CD226: variants seen among roughly 807,000 people sequenced by gnomAD.
The protein encoded by CD226 is CD226 molecule, also known as CD226 antigen.
A neutral mutation model predicts 34.9 loss-of-function variants in CD226; 24 were observed. That is an observed-to-expected ratio of 0.69 (90% CI 0.50 to 0.97). The LOEUF (loss-of-function observed/expected upper bound fraction) is 0.97, where lower values mean the gene tolerates loss of function less well. Among genes scored for constraint, CD226 ranks in the 50% least tolerant of loss-of-function variants. The pLI, the probability that CD226 is intolerant of heterozygous loss-of-function variation, is 0.00. For missense variants in CD226, 397 were observed against 412.7 expected (o/e 0.96, Z 0.33); for synonymous variants, 148 against 147.4 (o/e 1.00, Z -0.03).
At chr18:69,872,181 G>C (rs1273188124) in intron 4 of CD226, among the ~76,000 whole-genome samples, 1 of 151,892 alleles carries the variant, frequency 6.6e-6, no homozygotes, top group Non-Finnish European at 1.5e-5. Context: ...TGATATGCCA[G>C]ACATGAAAAA....
intron 2 of CD226, among the ~76,000 whole-genome samples, chr18:69,946,390 T>C (rs1230197861): frequency 6.6e-6 from 1 of 152,156 alleles, no homozygotes; most frequent in African/African-American, 2.4e-5. Context: ...AATGGTGCTA[T>C]GTCACTGTGA....
rs1282373055 is a variant in CD226 at position 69,863,288 on chromosome 18, G to A, written c.*1026C>T. 6.6e-6 allele frequency: 1 copy of A among 152,020 alleles called. No individual in the cohort carries two copies. Among genetic ancestry groups the A allele is most frequent in the Non-Finnish European group, 1.5e-5 (1 of 68,000 alleles). 9.4% of individuals were successfully genotyped at this position (152,020 alleles called of 1,614,324 possible). On this transcript the variant is annotated 3_prime_UTR_variant, in exon 6 of 6. Coordinates refer to ENST00000582621, the MANE Select transcript of CD226 (RefSeq NM_001303618.2). ...AATCATTAAAAAATAATAACTAGGTGCCTGACCCTTTTGAGAGAATTTACA... is the reference window on the plus strand; with the variant it reads ...AATCATTAAAAAATAATAACTAGGTACCTGACCCTTTTGAGAGAATTTACA...
rs1984969304 is a variant in CD226, at chr18:69,892,593, G to A, written c.727+3108C>T. Among the ~76,000 whole-genome samples, 4 of 152,322 alleles carry A rather than the reference G, an allele frequency of 2.6e-5. No homozygotes were observed. The South Asian group carries it at 8.3e-4, about 32-fold the overall frequency. ...TCAGCAAAGAAAGTCAGTGGTAAAT[G>A]TGAGTTCAGTTCTTGCTTCTGCCAT... On this transcript the variant is annotated intron_variant, in intron 3 of 5. Coordinates refer to ENST00000582621, the MANE Select transcript of CD226 (RefSeq NM_001303618.2).
At chr18:69,888,350 ACAGT>A (rs1210868948) in intron 3 of CD226, among the ~76,000 whole-genome samples, 2 of 152,096 alleles carry the variant, frequency 1.3e-5, no homozygotes, top group Non-Finnish European at 1.5e-5. Flanking sequence ...TGGTTATTTC[ACAGT>A]CAGAGTCATT....
Position 69,880,211 on chromosome 18 carries a change from C to T in CD226, c.728-6965G>A, listed in dbSNP as rs576305514. On this transcript the variant is annotated intron_variant, in intron 3 of 5. Transcript: ENST00000582621. ...AAGGAAAGCGGGGGAGGAAGGCAGG[C>T]AGGCAGGCAGGGAGGAGAAAGAAAG... Among the ~76,000 whole-genome samples the T allele has an allele frequency of 5.8e-5, 8 of 137,154 alleles. No individual in the cohort carries two copies. The Admixed American group carries it at 6.3e-4, about 11-fold the overall frequency. The allele number at this position is 137,154 out of a possible 152,430, so 90.0% of individuals were successfully genotyped here.
Position 69,896,003 on chromosome 18 carries a change from G to A in CD226, c.425C>T (p.Ser142Leu), listed in dbSNP as rs375997671. The A allele has an allele frequency of 1.3e-5, 21 of 1,612,838 alleles. No individual in the cohort carries two copies. The highest frequency in any genetic ancestry group is 4.0e-5 in the African/African-American group (3 of 74,908). The change falls in exon 3 of 6, where the codon TCG becomes TTG. Residue 142 changes from serine to leucine, a missense_variant. By Grantham distance (145) the Ser-to-Leu change is moderately radical (BLOSUM62 -2). Transcript: ENST00000582621. Reference sequence around the variant, plus strand: ...GAGTGTGACATTCTTTCCAGGTTCCGAAACAATGTGGCTATTTGATGGCAC... The same window carrying A: ...GAGTGTGACATTCTTTCCAGGTTCCAAAACAATGTGGCTATTTGATGGCAC... ...AAVPSNSHIV[S>L]EPGKNVTLTC...
chr18:69,939,946 T>C (rs1485482062), intron 2 of CD226, among the ~76,000 whole-genome samples: 2 of 152,200 alleles, frequency 1.3e-5, no homozygotes, highest in African/African-American at 4.8e-5. Flanking sequence ...ATGATATAAT[T>C]TGGCCGTGTG....
chr18:69,933,254 T>G (rs139190249), intron 2 of CD226, among the ~76,000 whole-genome samples: 10 of 152,310 alleles, frequency 6.6e-5, no homozygotes, highest in Non-Finnish European at 1.5e-4. Context: ...ATTTGAAAAC[T>G]TTACTAACAA....
intron 2 of CD226, among the ~76,000 whole-genome samples, chr18:69,928,117 T>C (rs1198365630): frequency 6.6e-6 from 1 of 152,202 alleles, no homozygotes; most frequent in Non-Finnish European, 1.5e-5. Context: ...TCAAACCATG[T>C]TTCACATATG....
intron 2 of CD226, among the ~76,000 whole-genome samples, chr18:69,909,879 A>G (rs2055303000): frequency 6.6e-6 from 1 of 152,368 alleles, no homozygotes; most frequent in South Asian, 2.1e-4. Flanking sequence ...AGAATATTGG[A>G]AAGAATCTAA....
intron 1 of CD226, chr18:69,956,672 G>A (rs1049744527): frequency 6.6e-6 from 1 of 151,662 alleles, no homozygotes; most frequent in African/African-American, 2.4e-5. Flanking sequence ...GGTTTCACTG[G>A]CAGCCCCCAC....
chr18:69,921,641 G>A (rs564090588), intron 2 of CD226, among the ~76,000 whole-genome samples: 1 of 152,250 alleles, frequency 6.6e-6, no homozygotes, highest in African/African-American at 2.4e-5. Flanking sequence ...GGCCCTTCGT[G>A]GATTGGCCTT....
intron 2 of CD226, among the ~76,000 whole-genome samples, chr18:69,929,305 C>T (rs1210962452): frequency 1.3e-5 from 2 of 151,904 alleles, no homozygotes; most frequent in East Asian, 3.9e-4. Flanking sequence ...GTGAGGACAC[C>T]CTGGATCTAG....
intron 4 of CD226, among the ~76,000 whole-genome samples, chr18:69,869,935 G>C (rs889992375): frequency 4.7e-5 from 7 of 149,396 alleles, no homozygotes; most frequent in Non-Finnish European, 6.0e-5. Context: ...TGAGTAGCTG[G>C]GATTACAGGC....
At chr18:69,940,376 G>C (rs530926988) in intron 2 of CD226, among the ~76,000 whole-genome samples, 1 of 152,356 alleles carries the variant, frequency 6.6e-6, no homozygotes, top group South Asian at 2.1e-4. Flanking sequence ...AAGCAACTTT[G>C]GAACTGGGTA....
chr18:69,957,718 G>A (rs1452419289), upstream of CD226, among the ~76,000 whole-genome samples: 1 of 152,170 alleles, frequency 6.6e-6, no homozygotes, highest in Non-Finnish European at 1.5e-5. Flanking sequence ...ATATACGAAA[G>A]CAAGGGAGAA....
At chr18:69,959,663 A>G (rs992322791), upstream of CD226, among the ~76,000 whole-genome samples, 9 of 152,164 alleles carry the variant, frequency 5.9e-5, no homozygotes, top group African/African-American at 1.9e-4. Flanking sequence ...TTTTTAAGTC[A>G]CCATTTTGCA....
chr18:69,917,660 G>C (rs2055402029), intron 2 of CD226, among the ~76,000 whole-genome samples: 4 of 152,150 alleles, frequency 2.6e-5, no homozygotes, highest in African/African-American at 9.7e-5. Flanking sequence ...TAGTTAAGTT[G>C]ATAGTTTGAG....
At chr18:69,908,724 C>T (rs1185871281) in intron 2 of CD226, among the ~76,000 whole-genome samples, 1 of 152,210 alleles carries the variant, frequency 6.6e-6, no homozygotes. Flanking sequence ...ATTCCTACTA[C>T]AGGACAAAGC....
Sources: gnomAD v4.1 joint callset for allele counts (sites outside exome capture counted in the v4.1 genomes callset) on GRCh38, gnomAD v4.1.1 for gene constraint, MANE v1.5 for transcripts, NCBI Gene and HGNC (gene_info 2026-07-23, HGNC 2026-07-21) for gene names.